The following CDH13 variants were observed in gnomAD, a reference collection of about 807,000 sequenced individuals.
CDH13 encodes cadherin 13, also known as cadherin-13.
CDH13 carries 24 observed loss-of-function variants against 63.8 expected under a neutral mutation model. The observed-to-expected ratio is 0.38, with a 90% CI of 0.27 to 0.53. CDH13 has a LOEUF of 0.53. Ranked by LOEUF, CDH13 falls within the 20% of genes least tolerant of loss-of-function variation. The pLI is 0.85. For synonymous variants in CDH13, 503 were observed against 355.3 expected, an observed-to-expected ratio of 1.42 and a Z score of -4.67; for missense variants, 1,049 against 903.1, an observed-to-expected ratio of 1.16 and a Z score of -2.07.
intron 5 of CDH13, among the ~76,000 whole-genome samples, chr16:83,224,626 C>T (rs1385952184): frequency 3.9e-5 from 6 of 152,210 alleles, no homozygotes; most frequent in East Asian, 3.9e-4. Context: ...GGAAGAATCT[C>T]GACTCTCCTA....
intron 1 of CDH13, among the ~76,000 whole-genome samples, chr16:82,733,450 T>C (rs2151039923): frequency 6.6e-6 from 1 of 152,328 alleles, no homozygotes; most frequent in Middle Eastern, 3.4e-3. Flanking sequence ...GTAAACATGA[T>C]CATTATCTTC....
At position 82,742,038 on chromosome 16, in the gene CDH13, A is replaced by T. The variant is rs1041953218; in HGVS notation, c.45+114901A>T. On this transcript the variant is annotated intron_variant, in intron 1 of 13. Coordinates refer to ENST00000567109, the MANE Select transcript of CDH13 (RefSeq NM_001257.5). ...ATTGAAACACTCTAAATTTCTTACA[A>T]TATCAGCCCGGTTATATAAAATCAT... Among the ~76,000 whole-genome samples the T allele has an allele frequency of 2.0e-5, 3 of 152,198 alleles. No individual in the cohort carries two copies. The South Asian group carries it at 6.2e-4, about 31-fold the overall frequency.
intron 7 of CDH13, among the ~76,000 whole-genome samples, chr16:83,573,503 C>T (rs575975174): frequency 6.6e-6 from 1 of 152,198 alleles, no homozygotes; most frequent in East Asian, 1.9e-4. Context: ...TTTTTTGTAC[C>T]CATAGTAGAC....
chr16:83,547,550 G>A (rs1036479376), intron 7 of CDH13, among the ~76,000 whole-genome samples: 1 of 152,184 alleles, frequency 6.6e-6, no homozygotes, highest in Admixed American at 6.5e-5. Flanking sequence ...AGTACATGCA[G>A]TATTTGGTTT....
At chr16:83,236,257 A>ACACG (rs1180203938) in intron 5 of CDH13, among the ~76,000 whole-genome samples, 1 of 151,800 alleles carries the variant, frequency 6.6e-6, no homozygotes, top group African/African-American at 2.4e-5. Context: ...ACACACACAC[A>ACACG]CACACATAGG....
intron 1 of CDH13, among the ~76,000 whole-genome samples, chr16:82,834,356 A>G (rs1743938291): frequency 2.0e-5 from 3 of 152,176 alleles, no homozygotes; most frequent in Admixed American, 6.5e-5. Flanking sequence ...GCCCCTAAAC[A>G]TGCAGGCATT....
intron 4 of CDH13, chr16:83,171,548 A>G: frequency 2.0e-6 from 3 of 1,534,556 alleles, no homozygotes; most frequent in South Asian, 1.2e-5. Context: ...TTCTGTGCCT[A>G]GCACGATGGC....
intron 7 of CDH13, among the ~76,000 whole-genome samples, chr16:83,560,517 G>A (rs1740701217): frequency 6.6e-6 from 1 of 152,138 alleles, no homozygotes; most frequent in African/African-American, 2.4e-5. Context: ...AGGGGCTTGG[G>A]GGAGGGGATT....
chr16:83,555,176 A>G (rs1384002075), intron 7 of CDH13, among the ~76,000 whole-genome samples: 2 of 152,192 alleles, frequency 1.3e-5, no homozygotes, highest in African/African-American at 4.8e-5. Context: ...AGATTTTTCC[A>G]TGTTGCAGAG....
chr16:82,775,405 T>A (rs892850624), intron 1 of CDH13, among the ~76,000 whole-genome samples: 16 of 152,232 alleles, frequency 1.1e-4, no homozygotes, highest in African/African-American at 3.9e-4. Flanking sequence ...ATTTACCTTC[T>A]CTGACTTTTA....
At chr16:83,478,343 G>T (rs1371264669) in intron 6 of CDH13, among the ~76,000 whole-genome samples, 1 of 152,054 alleles carries the variant, frequency 6.6e-6, no homozygotes, top group Admixed American at 6.6e-5. Flanking sequence ...ACCTGTATGG[G>T]CACTGGGTGA....
chr16:83,647,879 A>G (rs1474074806), intron 8 of CDH13, among the ~76,000 whole-genome samples: 1 of 152,112 alleles, frequency 6.6e-6, no homozygotes, highest in African/African-American at 2.4e-5. Flanking sequence ...GATCCCCATT[A>G]TGATCCCTGT....
At chr16:82,975,436 A>G (rs1229179106) in intron 2 of CDH13, among the ~76,000 whole-genome samples, 1 of 152,186 alleles carries the variant, frequency 6.6e-6, no homozygotes, top group Non-Finnish European at 1.5e-5. Context: ...GTGTGACCCT[A>G]GGCATGCTCT....
At chr16:82,912,709 C>T (rs920757825) in intron 2 of CDH13, among the ~76,000 whole-genome samples, 16 of 152,056 alleles carry the variant, frequency 1.1e-4, no homozygotes, top group African/African-American at 2.2e-4. Flanking sequence ...TTTGGGAGGC[C>T]GAGGTGGGCG....
chr16:83,755,714 C>A (rs1913450417), intron 11 of CDH13, among the ~76,000 whole-genome samples: 1 of 150,880 alleles, frequency 6.6e-6, no homozygotes, highest in South Asian at 2.1e-4. Flanking sequence ...TCAAATTTTT[C>A]CCTTCAAAAT....
At chr16:82,933,444 A>G (rs2042563455) in intron 2 of CDH13, among the ~76,000 whole-genome samples, 1 of 152,140 alleles carries the variant, frequency 6.6e-6, no homozygotes, top group Non-Finnish European at 1.5e-5. Flanking sequence ...GGGGATTACA[A>G]TTCAGATTAC....
At chr16:82,677,884 T>C (rs887091181) in intron 1 of CDH13, among the ~76,000 whole-genome samples, 2 of 152,210 alleles carry the variant, frequency 1.3e-5, no homozygotes, top group Non-Finnish European at 2.9e-5. Context: ...TGAATTTGGC[T>C]TCTGACCTTG....
At chr16:83,029,936 A>G (rs1916150807) in intron 2 of CDH13, among the ~76,000 whole-genome samples, 1 of 152,218 alleles carries the variant, frequency 6.6e-6, no homozygotes, top group South Asian at 2.1e-4. Context: ...TTCTATGCTT[A>G]CCCACAAGGG....
At chr16:82,650,169 T>C (rs1320383609) in intron 1 of CDH13, among the ~76,000 whole-genome samples, 7 of 152,242 alleles carry the variant, frequency 4.6e-5, no homozygotes, top group Non-Finnish European at 1.0e-4. Context: ...TAAAATAGGA[T>C]GCATGGCTTT....
Sources: allele counts gnomAD v4.1 joint callset (sites outside exome capture counted in the v4.1 genomes callset), GRCh38; gene constraint gnomAD v4.1.1; transcripts MANE v1.5; gene names NCBI Gene and HGNC (gene_info 2026-07-23, HGNC 2026-07-21).